The following GRID1 variants were observed in gnomAD, a reference collection of about 807,000 sequenced individuals.
GRID1 encodes glutamate receptor ionotropic, delta-1.
GRID1 carries 28 observed loss-of-function variants against 98.0 expected under a neutral mutation model. The ratio of observed to expected loss-of-function variants is 0.29; its 90% CI spans 0.21 to 0.39. GRID1 has a LOEUF of 0.39. GRID1 is among the 10% of genes least tolerant of loss of function. GRID1 has a pLI of 1.00. For missense variants in GRID1, 1,111 were observed against 1,340.5 expected, an observed-to-expected ratio of 0.83 and a Z score of 2.67; for synonymous variants, 553 against 538.5, an observed-to-expected ratio of 1.03 and a Z score of -0.37.
At chr10:85,967,358 A>AAGAG (rs1842350908) in intron 4 of GRID1, among the ~76,000 whole-genome samples, 3 of 152,292 alleles carry the variant, frequency 2.0e-5, no homozygotes, top group East Asian at 1.9e-4. Flanking sequence ...GAAAGAAAGA[A>AAGAG]AGAGAGAAAA....
chr10:86,199,799 T>C (rs1372787303), intron 3 of GRID1, among the ~76,000 whole-genome samples: 1 of 152,144 alleles, frequency 6.6e-6, no homozygotes, highest in Non-Finnish European at 1.5e-5. Flanking sequence ...ATGTGTCAGT[T>C]TCTGCCCTTT....
chr10:85,905,185 G>A (rs1039638851), intron 5 of GRID1, among the ~76,000 whole-genome samples: 1 of 152,026 alleles, frequency 6.6e-6, no homozygotes. Context: ...AATATCAGAT[G>A]CTTATCAGTA....
chr10:85,873,388 A>G (rs889755639), intron 5 of GRID1, among the ~76,000 whole-genome samples: 1 of 152,254 alleles, frequency 6.6e-6, no homozygotes, highest in Non-Finnish European at 1.5e-5. Context: ...AGCACAGACA[A>G]AAGTAACACA....
At chr10:85,796,450 AAAC>A (rs957468397) in intron 8 of GRID1, among the ~76,000 whole-genome samples, 4 of 152,206 alleles carry the variant, frequency 2.6e-5, no homozygotes, top group African/African-American at 9.6e-5. Context: ...TATACCCTAG[AAAC>A]AACAACAGAA....
chr10:85,903,832 C>T (rs1277347470), intron 5 of GRID1, among the ~76,000 whole-genome samples: 1 of 152,200 alleles, frequency 6.6e-6, no homozygotes, highest in African/African-American at 2.4e-5. Flanking sequence ...CTGGAATGCT[C>T]TTCCTCCAGA....
intron 8 of GRID1, among the ~76,000 whole-genome samples, chr10:85,828,307 T>A (rs983931226): frequency 6.6e-6 from 1 of 151,858 alleles, no homozygotes; most frequent in Non-Finnish European, 1.5e-5. Flanking sequence ...AAGAGGAAAA[T>A]TTATAGTGCT....
chr10:85,983,682 C>A (rs903937542), intron 4 of GRID1, among the ~76,000 whole-genome samples: 10 of 152,106 alleles, frequency 6.6e-5, no homozygotes, highest in African/African-American at 2.2e-4. Context: ...GCTGAATGAG[C>A]CTCAGGCCCT....
chr10:86,073,977 AT>A (rs1843841786), intron 4 of GRID1, among the ~76,000 whole-genome samples: 1 of 136,496 alleles, frequency 7.3e-6, no homozygotes, highest in Non-Finnish European at 1.6e-5. Context: ...GGAAATTCCC[AT>A]TATTCTGAGT....
intron 4 of GRID1, among the ~76,000 whole-genome samples, chr10:86,126,410 G>A (rs996158022): frequency 2.0e-5 from 3 of 152,168 alleles, no homozygotes; most frequent in Non-Finnish European, 2.9e-5. Flanking sequence ...AGCTGAGATC[G>A]TGCCTCTGCA....
rs566076167 is a variant in GRID1 at position 86,009,622 on chromosome 10, T to C, written c.727-93383A>G. Among the ~76,000 whole-genome samples, 4 of 152,302 alleles carry C rather than the reference T, an allele frequency of 2.6e-5. No homozygotes were observed. In the South Asian group the frequency reaches 8.3e-4, roughly 32 times the overall value. ...TCATTGCCAAGAAGGAAGGTAATTA[T>C]AGCAGGAACAGCAGAAAAAGCTGCT... On this transcript the variant is annotated intron_variant, in intron 4 of 15. Transcript: ENST00000327946.
At chr10:85,803,284 T>C (rs1842594072) in intron 8 of GRID1, among the ~76,000 whole-genome samples, 1 of 152,108 alleles carries the variant, frequency 6.6e-6, no homozygotes, top group Non-Finnish European at 1.5e-5. Context: ...GATGGATACA[T>C]TCCCCATGAT....
At chr10:85,644,274 T>C (rs1444850349) in intron 13 of GRID1, 1 of 152,184 alleles carries the variant, frequency 6.6e-6, no homozygotes, top group Non-Finnish European at 1.5e-5. Flanking sequence ...AATTAACTCA[T>C]TAACTAATTT....
chr10:85,901,255 A>G (rs1023833108), intron 5 of GRID1, among the ~76,000 whole-genome samples: 2 of 133,538 alleles, frequency 1.5e-5, no homozygotes, highest in Admixed American at 1.5e-4. Flanking sequence ...TTATTTATTT[A>G]TTTATTTTGA....
Position 86,138,849 on chromosome 10 carries a change from G to T in GRID1, c.696C>A (p.Ser232Arg). 1 of 1,614,204 alleles carries T rather than the reference G, an allele frequency of 6.2e-7. No individual in the cohort carries two copies. The highest frequency in any genetic ancestry group is 8.5e-7 in the Non-Finnish European group (1 of 1,180,010). ...TGATGAAGGAGTGGGCTCCCTGTGG[G>T]CTGAGCAGCAGGATGGCGCGGCGAA... ...DTLRRAILLL[S>R]PQGAHSFINE... Residue 232 changes from serine to arginine, a missense_variant, in exon 4 of 16, where the codon AGC (serine) becomes AGA (arginine). This residue lies in a region of GRID1 where 346 missense variants were observed against 452.3 expected (regional missense o/e 0.76). Coordinates refer to ENST00000327946, the MANE Select transcript of GRID1 (RefSeq NM_017551.3).
intron 15 of GRID1, among the ~76,000 whole-genome samples, chr10:85,604,194 G>T (rs1842622593): frequency 6.6e-6 from 1 of 152,080 alleles, no homozygotes; most frequent in African/African-American, 2.4e-5. Context: ...ATAGAAGGTG[G>T]GACCACTGCT....
chr10:86,173,380 A>G (rs1212898782), intron 3 of GRID1, among the ~76,000 whole-genome samples: 1 of 152,196 alleles, frequency 6.6e-6, no homozygotes, highest in Non-Finnish European at 1.5e-5. Flanking sequence ...AAGCATACCT[A>G]CAAAAAGTAA....
chr10:86,301,601 TC>T (rs1010164836), intron 2 of GRID1, among the ~76,000 whole-genome samples: 1 of 152,016 alleles, frequency 6.6e-6, no homozygotes, highest in Admixed American at 6.6e-5. Flanking sequence ...CAACCTTGTA[TC>T]CCCACCTTCC....
In GRID1 at chr10:85,625,538, AAAAGTC is replaced by A. The variant is rs1842902719; in HGVS notation, c.2194-5511_2194-5506del. On this transcript the variant is annotated intron_variant, in intron 13 of 15. Transcript: ENST00000327946. ...GGAGGAAGAATATCTTGGCATGAGA[AAAAGTC>A]AAAGGCATGTGAGCATCCATCCCTG... is the stretch of plus-strand genomic sequence containing the variant. Among the ~76,000 whole-genome samples the A allele has an allele frequency of 2.0e-5, 3 of 152,234 alleles. No individual in the cohort carries two copies. The South Asian group carries it at 6.2e-4, about 32-fold the overall frequency.
intron 8 of GRID1, among the ~76,000 whole-genome samples, chr10:85,838,376 T>TA (rs1842930542): frequency 6.6e-6 from 1 of 152,030 alleles, no homozygotes; most frequent in Non-Finnish European, 1.5e-5. Context: ...TCTCCAAGGT[T>TA]AAAATGAAAG....
Sources: gnomAD v4.1 joint callset for allele counts (sites outside exome capture counted in the v4.1 genomes callset) on GRCh38, gnomAD v4.1.1 for gene constraint, gnomAD v4.1.1 regional missense constraint, MANE v1.5 for transcripts, NCBI Gene and HGNC (gene_info 2026-07-23, HGNC 2026-07-21) for gene names.